Variants in BMERB1 observed in about 807,000 individuals in gnomAD.
The protein encoded by BMERB1 is bMERB domain-containing protein 1.
A neutral mutation model predicts 23.6 loss-of-function variants in BMERB1; 12 were observed. The observed-to-expected ratio is 0.51, with a 90% CI of 0.33 to 0.82. The LOEUF is 0.82. Among genes scored for constraint, BMERB1 ranks in the 40% least tolerant of loss-of-function variants. The probability of loss-of-function intolerance (pLI) is 0.03; values close to 1 mark genes in which losing one functional copy is unlikely to be tolerated. For synonymous variants in BMERB1, 122 were observed against 96.6 expected (o/e 1.26, Z -1.54); for missense variants, 247 against 255.4 (o/e 0.97, Z 0.22).
chr16:15,569,304 C>G (rs2030665292), intron 3 of BMERB1, among the ~76,000 whole-genome samples: 1 of 152,168 alleles, frequency 6.6e-6, no homozygotes, highest in African/African-American at 2.4e-5. Context: ...AAGCATGATG[C>G]TGGTGTCTGC....
intron 2 of BMERB1, among the ~76,000 whole-genome samples, chr16:15,530,471 C>T (rs189968446): frequency 1.6e-4 from 24 of 152,290 alleles, no homozygotes; most frequent in East Asian, 3.9e-4. Flanking sequence ...TGCAGTGACA[C>T]GGTCATAGCT....
At chr16:15,515,747 A>G (rs986954679) in intron 2 of BMERB1, among the ~76,000 whole-genome samples, 1 of 151,938 alleles carries the variant, frequency 6.6e-6, no homozygotes, top group Non-Finnish European at 1.5e-5. Flanking sequence ...ACGAGCGCAC[A>G]CTCTGCTCTC....
chr16:15,535,313 T>G (rs955367025), intron 2 of BMERB1, among the ~76,000 whole-genome samples: 11 of 152,038 alleles, frequency 7.2e-5, no homozygotes, highest in Non-Finnish European at 1.3e-4. Flanking sequence ...CTTGTGCCAC[T>G]GCACTCCAGT....
At chr16:15,475,111 C>T (rs191166270) in intron 1 of BMERB1, among the ~76,000 whole-genome samples, 1 of 152,252 alleles carries the variant, frequency 6.6e-6, no homozygotes, top group Admixed American at 6.5e-5. Context: ...AGGAACAAAC[C>T]TGACAGTGCT....
chr16:15,550,346 G>T (rs1213817281), intron 2 of BMERB1, among the ~76,000 whole-genome samples: 1 of 151,404 alleles, frequency 6.6e-6, no homozygotes, highest in Admixed American at 6.6e-5. Flanking sequence ...CCTTGGAACT[G>T]CCACTGGTGA....
intron 2 of BMERB1, among the ~76,000 whole-genome samples, chr16:15,540,710 A>G (rs968632618): frequency 6.6e-6 from 1 of 152,212 alleles, no homozygotes; most frequent in Non-Finnish European, 1.5e-5. Context: ...AGCAAGAGGC[A>G]GCACACGTAG....
At chr16:15,560,285 A>C (rs981149654) in intron 2 of BMERB1, among the ~76,000 whole-genome samples, 4 of 152,204 alleles carry the variant, frequency 2.6e-5, no homozygotes, top group African/African-American at 4.8e-5. Flanking sequence ...GGCCAGGGCA[A>C]AGGCCCCCAG....
intron 2 of BMERB1, among the ~76,000 whole-genome samples, chr16:15,528,268 G>A (rs1339603841): frequency 6.6e-6 from 1 of 152,086 alleles, no homozygotes; most frequent in African/African-American, 2.4e-5. Flanking sequence ...TCTCCAGAGA[G>A]GAAGGGCACC....
At chr16:15,495,471 T>G (rs1183950316) in intron 1 of BMERB1, among the ~76,000 whole-genome samples, 18 of 152,164 alleles carry the variant, frequency 1.2e-4, no homozygotes, top group Admixed American at 1.2e-3. Flanking sequence ...GTTCACACCA[T>G]TCTCCTGCCT....
chr16:15,470,747 A>G (rs1438423635), intron 1 of BMERB1, among the ~76,000 whole-genome samples: 2 of 148,414 alleles, frequency 1.3e-5, no homozygotes, highest in South Asian at 2.1e-4. Context: ...GATGATCTCA[A>G]TCTCCTGACC....
intron 2 of BMERB1, among the ~76,000 whole-genome samples, chr16:15,528,167 C>A (rs2051927902): frequency 6.6e-6 from 1 of 152,106 alleles, no homozygotes; most frequent in Admixed American, 6.6e-5. Flanking sequence ...GTTCTGGAGT[C>A]TGGCTGGGAA....
chr16:15,522,602 G>T (rs1046643135), intron 2 of BMERB1, among the ~76,000 whole-genome samples: 1 of 152,158 alleles, frequency 6.6e-6, no homozygotes, highest in Non-Finnish European at 1.5e-5. Context: ...TATAGATGAG[G>T]AAACTGAGGC....
chr16:15,538,866 G>A (rs1375428478), intron 2 of BMERB1, among the ~76,000 whole-genome samples: 1 of 152,128 alleles, frequency 6.6e-6, no homozygotes, highest in Non-Finnish European at 1.5e-5. Flanking sequence ...CCATGTTGTA[G>A]CTAAAACAGC....
At chr16:15,522,575 T>C (rs1191846881) in intron 2 of BMERB1, among the ~76,000 whole-genome samples, 2 of 152,220 alleles carry the variant, frequency 1.3e-5, no homozygotes, top group Non-Finnish European at 2.9e-5. Context: ...GCAGAAAATA[T>C]CACATAGCCT....
chr16:15,476,882 G>C (rs1401809744), intron 1 of BMERB1, among the ~76,000 whole-genome samples: 1 of 152,178 alleles, frequency 6.6e-6, no homozygotes, highest in East Asian at 1.9e-4. Flanking sequence ...ACCTGCTTCT[G>C]CCATGTGGAA....
chr16:15,483,760 C>G (rs927277918), intron 1 of BMERB1, among the ~76,000 whole-genome samples: 3 of 152,010 alleles, frequency 2.0e-5, no homozygotes, highest in Admixed American at 2.0e-4. Flanking sequence ...CCTTTCTGGC[C>G]CTTGCATACT....
intron 1 of BMERB1, among the ~76,000 whole-genome samples, chr16:15,451,197 C>G (rs2051038354): frequency 6.6e-6 from 1 of 152,148 alleles, no homozygotes; most frequent in Non-Finnish European, 1.5e-5. Context: ...TGTTCGTTTT[C>G]TGAGACAGAG....
intron 1 of BMERB1, among the ~76,000 whole-genome samples, chr16:15,469,468 G>C (rs2051211377): frequency 6.6e-6 from 1 of 152,046 alleles, no homozygotes; most frequent in African/African-American, 2.4e-5. Flanking sequence ...AGCTCTTACA[G>C]GTCCTATGCC....
chr16:15,460,830 GA>G, intron 1 of BMERB1, among the ~76,000 whole-genome samples: 1 of 152,234 alleles, frequency 6.6e-6, no homozygotes, highest in South Asian at 2.1e-4. Flanking sequence ...TTTATCAGAG[GA>G]AAAAAGCTGG....
Sources: allele counts gnomAD v4.1 joint callset (sites outside exome capture counted in the v4.1 genomes callset), GRCh38; gene constraint gnomAD v4.1.1; transcripts MANE v1.5; gene names NCBI Gene and HGNC (gene_info 2026-07-23, HGNC 2026-07-21).